Variants in LMX1A observed in about 807,000 individuals in gnomAD.
LMX1A encodes the protein LIM homeobox transcription factor 1-alpha.
In LMX1A, 15 loss-of-function variants were observed where a neutral mutation model predicts 49.1. The ratio of observed to expected loss-of-function variants is 0.31; its 90% CI spans 0.20 to 0.47. The LOEUF is 0.47. LMX1A is among the 20% of genes least tolerant of loss of function. LMX1A has a pLI of 1.00. For missense variants in LMX1A, 372 were observed against 475.8 expected, an observed-to-expected ratio of 0.78 and a Z score of 2.03; for synonymous variants, 167 against 185.7, an observed-to-expected ratio of 0.90 and a Z score of 0.82.
chr1:165,326,697 T>G (rs61803175), intron 3 of LMX1A, among the ~76,000 whole-genome samples: 3,909 of 152,304 alleles, frequency 0.026, 69 homozygotes, highest in Non-Finnish European at 0.038. Flanking sequence ...TCCCCAGTTC[T>G]TCCTAGGCCC....
intron 3 of LMX1A, among the ~76,000 whole-genome samples, chr1:165,349,460 T>C (rs1656348304): frequency 6.6e-6 from 1 of 152,250 alleles, no homozygotes; most frequent in South Asian, 2.1e-4. Context: ...GGTATCCTCA[T>C]GTTTCATATG....
In LMX1A at chr1:165,264,694, T is replaced by C. The variant is rs566632698; in HGVS notation, c.264-15054A>G. Among the ~76,000 whole-genome samples the C allele has an allele frequency of 1.2e-4, 18 of 152,120 alleles. No homozygotes were observed. In the South Asian group the frequency reaches 3.5e-3, roughly 30 times the overall value. ...AAAGGAGGCCTAGTGCGGTGGCTCA[T>C]GCCTATAATCCCAGCACTTTAGGAG... On this transcript the variant is annotated intron_variant, in intron 3 of 8. Transcript: ENST00000342310.
chr1:165,234,410 G>A (rs774014490), intron 4 of LMX1A, among the ~76,000 whole-genome samples: 4 of 152,070 alleles, frequency 2.6e-5, no homozygotes, highest in Non-Finnish European at 5.9e-5. Flanking sequence ...GAATGATTGC[G>A]CCAGACTCTA....
chr1:165,286,998 T>C (rs1189352866), intron 3 of LMX1A, among the ~76,000 whole-genome samples: 1 of 152,194 alleles, frequency 6.6e-6, no homozygotes, highest in Non-Finnish European at 1.5e-5. Flanking sequence ...CCTAGTCAGA[T>C]TAAAATGCAG....
chr1:165,317,816 C>G (rs769714050), intron 3 of LMX1A, among the ~76,000 whole-genome samples: 13 of 152,196 alleles, frequency 8.5e-5, no homozygotes, highest in Non-Finnish European at 1.8e-4. Flanking sequence ...CATTAATGAC[C>G]CACCATTTAT....
At chr1:165,280,069 G>T (rs751217104) in intron 3 of LMX1A, among the ~76,000 whole-genome samples, 4 of 152,128 alleles carry the variant, frequency 2.6e-5, no homozygotes, top group African/African-American at 9.7e-5. Flanking sequence ...CACCGAGCAG[G>T]CTGAACCATG....
intron 4 of LMX1A, among the ~76,000 whole-genome samples, chr1:165,230,497 T>G (rs932633611): frequency 1.3e-5 from 2 of 152,264 alleles, no homozygotes; most frequent in Admixed American, 6.5e-5. Context: ...GGCAGGAACA[T>G]CCCTACATAT....
intron 2 of LMX1A, among the ~76,000 whole-genome samples, chr1:165,354,845 C>T (rs963370561): frequency 1.3e-5 from 2 of 152,158 alleles, no homozygotes; most frequent in Admixed American, 1.3e-4. Context: ...CTGCAAGACC[C>T]GTGTGTGGAC....
At chr1:165,205,591 A>G (rs1571142717) in intron 8 of LMX1A, among the ~76,000 whole-genome samples, 1 of 152,232 alleles carries the variant, frequency 6.6e-6, no homozygotes, top group Admixed American at 6.5e-5. Flanking sequence ...TTCAATGACA[A>G]CAAACAGGTC....
chr1:165,311,196 T>G (rs182883334), intron 3 of LMX1A, among the ~76,000 whole-genome samples: 148 of 152,342 alleles, frequency 9.7e-4, no homozygotes, highest in Non-Finnish European at 1.5e-3. Flanking sequence ...CAGAATAAAC[T>G]GCATTATTCA....
chr1:165,297,280 G>C (rs937032562), intron 3 of LMX1A, among the ~76,000 whole-genome samples: 17 of 152,190 alleles, frequency 1.1e-4, no homozygotes, highest in African/African-American at 4.1e-4. Flanking sequence ...AGAATAACCA[G>C]GTGAGTTTTT....
At chr1:165,214,567 C>T (rs1252808309) in intron 4 of LMX1A, among the ~76,000 whole-genome samples, 8 of 152,298 alleles carry the variant, frequency 5.3e-5, no homozygotes, top group Admixed American at 5.2e-4. Flanking sequence ...ACTGAGTGCC[C>T]TAAATGCCAA....
chr1:165,312,079 G>T (rs918286734), intron 3 of LMX1A, among the ~76,000 whole-genome samples: 4 of 152,304 alleles, frequency 2.6e-5, no homozygotes, highest in Non-Finnish European at 1.5e-5. Context: ...TGCTTTTAAT[G>T]ATTTGGATGT....
intron 4 of LMX1A, among the ~76,000 whole-genome samples, chr1:165,236,488 AAAC>A (rs898059874): frequency 1.3e-5 from 2 of 152,068 alleles, no homozygotes; most frequent in African/African-American, 4.8e-5. Flanking sequence ...CATTTCCAAT[AAAC>A]AATAATTTCT....
At chr1:165,213,536 T>C in intron 5 of LMX1A, 105 bp downstream of exon 5, 1 of 1,067,834 alleles carries the variant, frequency 9.4e-7, no homozygotes, top group Non-Finnish European at 1.4e-6. Flanking sequence ...CTGAACAGCC[T>C]TCCTCACCAC....
rs71097567 is a variant in LMX1A, at chr1:165,247,054, C to CTTTTTT, written c.496+2348_496+2353dup. On this transcript the variant is annotated intron_variant, in intron 4 of 8. Transcript: ENST00000342310. ...GTTACTTAGATCAGATCAGCTTTTT[C>CTTTTTT]TTTTTTTTTTTTTTTTTTTTTTTTT... is the stretch of plus-strand genomic sequence containing the variant. Among the ~76,000 whole-genome samples, 68 of 53,224 alleles carry CTTTTTT rather than the reference C, an allele frequency of 1.3e-3. 18 individuals are homozygous for CTTTTTT. The South Asian group carries it at 0.029, about 23-fold the overall frequency. 34.9% of individuals were successfully genotyped at this position (53,224 alleles called of 152,430 possible). A position where few individuals can be genotyped will look rare whatever the true frequency, so the allele number is the denominator to read the frequency against.
chr1:165,246,476 A>G (rs955098212), intron 4 of LMX1A, among the ~76,000 whole-genome samples: 2 of 152,300 alleles, frequency 1.3e-5, no homozygotes, highest in African/African-American at 4.8e-5. Context: ...CACCTCATCA[A>G]TATTACTTTC....
rs536312100 is a variant in LMX1A, at chr1:165,214,027, A to G, written c.497-214T>C. ...CAGGCAGCAGAAAGTCCACCATTAC[A>G]CTTCAGGCTTTATCACAGCATCATA... On this transcript the variant is annotated intron_variant, in intron 4 of 8. Coordinates refer to ENST00000342310, the MANE Select transcript of LMX1A (RefSeq NM_177398.4). 5.3e-5 allele frequency among the ~76,000 whole-genome samples: 8 copies of G among 152,260 alleles called. No individual in the cohort carries two copies. In the East Asian group the frequency reaches 1.2e-3, roughly 22 times the overall value.
intron 3 of LMX1A, among the ~76,000 whole-genome samples, chr1:165,288,446 C>A (rs567381232): frequency 6.6e-6 from 1 of 152,106 alleles, no homozygotes; most frequent in Non-Finnish European, 1.5e-5. Flanking sequence ...TATGTGTGAG[C>A]GAACAGCAGG....
Sources: gnomAD v4.1 joint callset for allele counts (sites outside exome capture counted in the v4.1 genomes callset) on GRCh38, gnomAD v4.1.1 for gene constraint, MANE v1.5 for transcripts, NCBI Gene and HGNC (gene_info 2026-07-23, HGNC 2026-07-21) for gene names.